The following UGT1A10 variants were observed in gnomAD, a reference collection of about 807,000 sequenced individuals.
The protein encoded by UGT1A10 is UDP-glucuronosyltransferase 1A10.
Under a neutral mutation model 45.8 loss-of-function variants are expected in UGT1A10, and 49 were observed. That is an observed-to-expected ratio of 1.07 (90% CI 0.85 to 1.36). The LOEUF is 1.36. Ranked by LOEUF, UGT1A10 falls within the 40% of genes most tolerant of loss-of-function variation. The probability of loss-of-function intolerance (pLI) is 0.00; values close to 1 mark genes in which losing one functional copy is unlikely to be tolerated. For synonymous variants in UGT1A10, 284 were observed against 249.7 expected (o/e 1.14, Z -1.29); for missense variants, 745 against 668.6 (o/e 1.11, Z -1.26).
intron 1 of UGT1A10, among the ~76,000 whole-genome samples, chr2:233,670,832 C>G (rs546940150): frequency 6.6e-6 from 1 of 152,300 alleles, no homozygotes; most frequent in South Asian, 2.1e-4. Flanking sequence ...AAGACCGTCT[C>G]TTACTGGCAA....
intron 1 of UGT1A10, chr2:233,693,364 C>T (rs200083350): frequency 1.9e-6 from 3 of 1,614,138 alleles, no homozygotes; most frequent in Non-Finnish European, 2.5e-6. Context: ...TTGTTATTGG[C>T]CTGTACTTCA....
chr2:233,651,479 A>T (rs1289119405), intron 1 of UGT1A10, among the ~76,000 whole-genome samples: 1 of 152,224 alleles, frequency 6.6e-6, no homozygotes, highest in Non-Finnish European at 1.5e-5. Flanking sequence ...AAGAGGTTTT[A>T]TAGAAGTGGA....
chr2:233,661,672 T>TTTCTTTCTTTCTTTCTTTCTTTCTTTCC (rs2073971681), intron 1 of UGT1A10, among the ~76,000 whole-genome samples: 3 of 148,016 alleles, frequency 2.0e-5, no homozygotes, highest in Non-Finnish European at 4.5e-5. Flanking sequence ...TCTTTCTTTC[T>TTTCTTTCTTTCTTTCTTTCTTTCTTTCC]TTCTTTCTTT....
chr2:233,739,478 C>G (rs945148386), intron 1 of UGT1A10, among the ~76,000 whole-genome samples: 1 of 152,180 alleles, frequency 6.6e-6, no homozygotes, highest in African/African-American at 2.4e-5. Flanking sequence ...ACCGTGGGAG[C>G]CCATTTCTGG....
chr2:233,760,773 G>A, intron 1 of UGT1A10: 1 of 1,613,944 alleles, frequency 6.2e-7, no homozygotes, highest in Non-Finnish European at 8.5e-7. Flanking sequence ...TCGTGGCCCA[G>A]TACCTGTCTC....
intron 1 of UGT1A10, chr2:233,719,603 T>G (rs138347224): frequency 3.1e-5 from 50 of 1,610,688 alleles, no homozygotes; most frequent in Non-Finnish European, 3.7e-5. Context: ...GAGGGGACTT[T>G]GTGATGGACT....
At chr2:233,685,459 G>A (rs900170556) in intron 1 of UGT1A10, among the ~76,000 whole-genome samples, 1 of 152,190 alleles carries the variant, frequency 6.6e-6, no homozygotes, top group Non-Finnish European at 1.5e-5. Flanking sequence ...ACCATCTAGG[G>A]CCAGTGCAGC....
chr2:233,699,013 G>A (rs541492586), intron 1 of UGT1A10, among the ~76,000 whole-genome samples: 2 of 152,354 alleles, frequency 1.3e-5, no homozygotes, highest in South Asian at 4.1e-4. Flanking sequence ...GAACATGAGA[G>A]GCTGAGCCAC....
intron 1 of UGT1A10, among the ~76,000 whole-genome samples, chr2:233,766,135 C>T (rs569141558): frequency 2.0e-5 from 3 of 152,288 alleles, no homozygotes; most frequent in Admixed American, 6.5e-5. Context: ...CCAGAAGAAT[C>T]GAATCCCACC....
chr2:233,713,368 G>C, intron 1 of UGT1A10: 5 of 1,614,136 alleles, frequency 3.1e-6, no homozygotes, highest in Non-Finnish European at 4.2e-6. Flanking sequence ...ATCATACATA[G>C]GTCTTGTGTG....
At chr2:233,664,046 C>G (rs188275761) in intron 1 of UGT1A10, among the ~76,000 whole-genome samples, 33 of 152,316 alleles carry the variant, frequency 2.2e-4, no homozygotes, top group African/African-American at 7.5e-4. Flanking sequence ...TAGGTCATCA[C>G]TCTCAAGTTT....
At chr2:233,681,165 G>T (rs1380306797) in intron 1 of UGT1A10, among the ~76,000 whole-genome samples, 1 of 151,768 alleles carries the variant, frequency 6.6e-6, no homozygotes, top group Non-Finnish European at 1.5e-5. Context: ...GGAGGTCAAC[G>T]CTAAGACCCT....
chr2:233,736,427 G>A (rs986034532), intron 1 of UGT1A10, among the ~76,000 whole-genome samples: 6 of 152,022 alleles, frequency 3.9e-5, no homozygotes, highest in Admixed American at 3.3e-4. Flanking sequence ...TTTTTTCAAG[G>A]TTCAACCTTC....
rs769720139 is a variant in UGT1A10 at position 233,772,367 on chromosome 2, C to T, written c.1401C>T (p.Gly467=). Reference sequence around the variant, plus strand: ...TGGAGTTTGTGATGAGGCACAAGGGCGCGCCACACCTGCGCCCCGCAGCCC... The same window carrying T: ...TGGAGTTTGTGATGAGGCACAAGGGTGCGCCACACCTGCGCCCCGCAGCCC... The part of the protein sequence containing the change: ...FWVEFVMRHK[G]APHLRPAAHD... Residue 467 remains glycine, a synonymous_variant, in exon 5 of 5, where the codon GGC becomes GGT. Transcript: ENST00000344644. The T allele has an allele frequency of 1.5e-5, 24 of 1,614,250 alleles. No individual in the cohort carries two copies. Among genetic ancestry groups the T allele is most frequent in the Admixed American group, 1.7e-5 (1 of 60,036 alleles).
chr2:233,659,328 T>C (rs1231954423), intron 1 of UGT1A10, among the ~76,000 whole-genome samples: 1 of 152,198 alleles, frequency 6.6e-6, no homozygotes, highest in Non-Finnish European at 1.5e-5. Flanking sequence ...GCCTACTGTA[T>C]AGCAGAAGCC....
intron 1 of UGT1A10, among the ~76,000 whole-genome samples, chr2:233,680,518 C>T (rs2074488970): frequency 6.6e-6 from 1 of 152,100 alleles, no homozygotes; most frequent in African/African-American, 2.4e-5. Flanking sequence ...GAATTATGCC[C>T]TGAGGTTGGC....
In UGT1A10 at chr2:233,637,172, A is replaced by G. The variant is rs2073318272; in HGVS notation, c.650A>G (p.His217Arg). 2 of 1,613,970 alleles carry G rather than the reference A, an allele frequency of 1.2e-6. No homozygotes were observed. Among genetic ancestry groups the G allele is most frequent in the East Asian group, 2.2e-5 (1 of 44,890 alleles). Residue 217 changes from histidine to arginine, a missense_variant, in exon 1 of 5, where the codon CAT (histidine) becomes CGT (arginine). His to Arg is a conservative substitution (Grantham distance 29). Transcript: ENST00000344644. ...AACCACATCGTGCACTTGGAGGACC[A>G]TTTATTTTGCCAGTATCTTTTTAGA... ...VWNHIVHLEDHLFCQYLFRNA... is the reference protein window; with the variant it reads ...VWNHIVHLEDRLFCQYLFRNA...
chr2:233,767,805 T>C lies in UGT1A10; in HGVS notation c.988-44T>C, dbSNP rs774301079. On this transcript the variant is annotated intron_variant, in intron 2 of 4. Coordinates refer to ENST00000344644, the MANE Select transcript of UGT1A10 (RefSeq NM_019075.4). The stretch of plus-strand genomic sequence containing the variant: ...GTATAGCAGATTTGTTTTCTAATCA[T>C]ATTATGTTCTTTCTTTACGTTCTGC... 24 of 1,614,048 alleles carry C rather than the reference T, an allele frequency of 1.5e-5. No homozygotes were observed. In the South Asian group the frequency reaches 2.5e-4, roughly 17 times the overall value.
chr2:233,766,877 C>G (rs3213726), intron 1 of UGT1A10, among the ~76,000 whole-genome samples, 157 bp from the exon 2 acceptor site: 1 of 152,336 alleles, frequency 6.6e-6, no homozygotes, highest in Non-Finnish European at 1.5e-5. Context: ...GAGGAAAATG[C>G]TGTAAAACTT....
Sources: allele counts gnomAD v4.1 joint callset (sites outside exome capture counted in the v4.1 genomes callset), GRCh38; gene constraint gnomAD v4.1.1; transcripts MANE v1.5; gene names NCBI Gene and HGNC (gene_info 2026-07-23, HGNC 2026-07-21).